UGT2B28: variants seen among roughly 807,000 people sequenced by gnomAD.
UGT2B28 encodes UDP glucuronosyltransferase family 2 member B28.
A neutral mutation model predicts 43.6 loss-of-function variants in UGT2B28; 45 were observed. The observed-to-expected ratio is 1.03, with a 90% CI of 0.81 to 1.32. UGT2B28 has a LOEUF of 1.32. UGT2B28 is among the 40% of genes most tolerant of loss of function. The probability of loss-of-function intolerance (pLI) is 0.00; values close to 1 mark genes in which losing one functional copy is unlikely to be tolerated. For missense variants in UGT2B28, 649 were observed against 625.5 expected (o/e 1.04, Z -0.40); for synonymous variants, 204 against 208.1 (o/e 0.98, Z 0.17).
In UGT2B28 at chr4:69,294,804, GATT is replaced by G. The variant is rs1724057418; in HGVS notation, c.1587_1589del (p.Asp529_Ter530delinsGlu). On this transcript the variant is annotated stop_lost and inframe_deletion, in exon 6 of 6. Transcript: ENST00000335568. ...TAGAAAAGGGAAGAAGGGAAAAAGA[GATT>G]AGTTATGTCTGACATTTGAAGCTGG... The G allele has an allele frequency of 6.4e-7, 1 of 1,552,446 alleles. No individual in the cohort carries two copies. Among genetic ancestry groups the G allele is most frequent in the Non-Finnish European group, 8.7e-7 (1 of 1,152,148 alleles).
In UGT2B28 at chr4:69,284,841, A is replaced by G. The variant is rs1284777601; in HGVS notation, c.871-1911A>G. ...TCAGATAATTTCTATATATTTTAAGAGAATAAGACACTTGACAAACTGCAT... is the reference window on the plus strand; with the variant it reads ...TCAGATAATTTCTATATATTTTAAGGGAATAAGACACTTGACAAACTGCAT... On this transcript the variant is annotated intron_variant, in intron 2 of 5. Transcript: ENST00000335568. Among the ~76,000 whole-genome samples, 15 of 140,448 alleles carry G rather than the reference A, an allele frequency of 1.1e-4. 2 individuals are homozygous for G. The highest frequency in any genetic ancestry group is 3.6e-4 in the African/African-American group (13 of 36,078). 92.1% of individuals were successfully genotyped at this position (140,448 alleles called of 152,430 possible).
Position 69,281,127 on chromosome 4 carries a change from G to A in UGT2B28, c.627G>A (p.Glu209=). Reference sequence around the variant, plus strand: ...TAAGTGATCAAATGACTTTCATGGAGAGGGTAAAAAACATGATCTATGTGC... The same window carrying A: ...TAAGTGATCAAATGACTTTCATGGAAAGGGTAAAAAACATGATCTATGTGC... ...SKLSDQMTFM[E]RVKNMIYVLY... is the part of the protein sequence containing the mutation. Residue 209 remains glutamate, a synonymous_variant, in exon 1 of 6, where the codon GAG becomes GAA. Transcript: ENST00000335568. The A allele has an allele frequency of 4.5e-6, 7 of 1,558,424 alleles. No homozygotes were observed. Among genetic ancestry groups the A allele is most frequent in the Non-Finnish European group, 6.1e-6 (7 of 1,155,026 alleles).
chr4:69,286,762 A>T lies in UGT2B28; in HGVS notation c.881A>T (p.Glu294Val), dbSNP rs772478942. Residue 294 changes from glutamate (E) to valine (V), a missense_variant, in exon 3 of 6, where the codon GAA becomes GTA. Physicochemically the swap from Glu to Val is moderately radical, Grantham distance 121 (BLOSUM62 -2). Coordinates refer to ENST00000335568, the MANE Select transcript of UGT2B28 (RefSeq NM_053039.2). Reference sequence around the variant, plus strand: ...AATTTTTTTTCACAGGAAATGGAGGAATTTGTACAGAGCTCTGGTGAAAAT... The same window carrying T: ...AATTTTTTTTCACAGGAAATGGAGGTATTTGTACAGAGCTCTGGTGAAAAT... ...PAKPLPKEMEEFVQSSGENGV... is the reference protein window; with the variant it reads ...PAKPLPKEMEVFVQSSGENGV... 6.4e-7 allele frequency: 1 copy of T among 1,553,678 alleles called. No individual in the cohort carries two copies. The highest frequency in any genetic ancestry group is 8.7e-7 in the Non-Finnish European group (1 of 1,153,564).
At position 69,287,152 on chromosome 4, in the gene UGT2B28, A is replaced by C. The variant is rs188214818; in HGVS notation, c.1002+269A>C. ...CTCAGTACTCCATATGTATCCACAA[A>C]AGGGAACTTGAGACCCATGATTATT... is the stretch of plus-strand genomic sequence containing the variant. On this transcript the variant is annotated intron_variant, in intron 3 of 5. Coordinates refer to ENST00000335568, the MANE Select transcript of UGT2B28 (RefSeq NM_053039.2). Among the ~76,000 whole-genome samples the C allele has an allele frequency of 2.9e-3, 400 of 140,216 alleles. 83 individuals are homozygous for C. The highest frequency in any genetic ancestry group is 0.01 in the African/African-American group (370 of 35,900). The allele number at this position is 140,216 out of a possible 152,430, so 92.0% of individuals were successfully genotyped here.
Position 69,286,796 on chromosome 4 carries a change from G to A in UGT2B28, c.915G>A (p.Val305=). The A allele has an allele frequency of 6.4e-7, 1 of 1,556,494 alleles. No homozygotes were observed. The highest frequency in any genetic ancestry group is 8.7e-7 in the Non-Finnish European group (1 of 1,154,582). ...FVQSSGENGV[V]VFSLGSVISN... is the part of the protein sequence containing the mutation. ...AGAGCTCTGGTGAAAATGGTGTTGT[G>A]GTGTTTTCTCTGGGGTCAGTGATAA... The change falls in exon 3 of 6, where the codon GTG becomes GTA. Residue 305 remains valine, a synonymous_variant. Coordinates refer to ENST00000335568, the MANE Select transcript of UGT2B28 (RefSeq NM_053039.2).
chr4:69,285,013 G>T (rs1335384247), intron 2 of UGT2B28, among the ~76,000 whole-genome samples: 1 of 139,558 alleles, frequency 7.2e-6, no homozygotes, highest in Non-Finnish European at 1.5e-5. Context: ...ATGAAAGAAT[G>T]ATTAAAATTT....
rs1723744045 is a variant in UGT2B28 at position 69,285,432 on chromosome 4, G to C, written c.871-1320G>C. On this transcript the variant is annotated intron_variant, in intron 2 of 5. Coordinates refer to ENST00000335568, the MANE Select transcript of UGT2B28 (RefSeq NM_053039.2). Reference sequence around the variant, plus strand: ...AGAGGTTAGATTCCTTCAACACTGGGTAGAAAAACAAGGCTCTGATATCAA... The same window carrying C: ...AGAGGTTAGATTCCTTCAACACTGGCTAGAAAAACAAGGCTCTGATATCAA... 1.4e-5 allele frequency among the ~76,000 whole-genome samples: 2 copies of C among 139,172 alleles called. 1 individual carries two copies. The highest frequency in any genetic ancestry group is 1.5e-4 in the Admixed American group (2 of 13,780). 91.3% of individuals were successfully genotyped at this position (139,172 alleles called of 152,430 possible).
chr4:69,289,649 C>A lies in UGT2B28; in HGVS notation c.1003-16C>A, dbSNP rs763587973. ...AGTTCCACTCATGGAATAAGATATT[C>A]TCTTTACTGTAACAGGTTCTGTGGA... On this transcript the variant is annotated splice_polypyrimidine_tract_variant and intron_variant, in intron 3 of 5. Coordinates refer to ENST00000335568, the MANE Select transcript of UGT2B28 (RefSeq NM_053039.2). The A allele has an allele frequency of 6.5e-7, 1 of 1,533,716 alleles. No individual in the cohort carries two copies. Among genetic ancestry groups the A allele is most frequent in the Non-Finnish European group, 8.8e-7 (1 of 1,141,588 alleles).
rs572028947 is a variant in UGT2B28, at chr4:69,287,977, C to CTT, written c.1002+1094_1002+1095insTT. 2.2e-3 allele frequency among the ~76,000 whole-genome samples: 304 copies of CTT among 139,966 alleles called. 66 individuals are homozygous for CTT. Among genetic ancestry groups the CTT allele is most frequent in the African/African-American group, 8.1e-3 (290 of 35,898 alleles). The allele number at this position is 139,966 out of a possible 152,430, so 91.8% of individuals were successfully genotyped here. On this transcript the variant is annotated intron_variant, in intron 3 of 5. Coordinates refer to ENST00000335568, the MANE Select transcript of UGT2B28 (RefSeq NM_053039.2). The stretch of plus-strand genomic sequence containing the variant: ...TGCTTTGGAGTTTCAAAATTAGTAA[C>CTT]AAAATAAGAATGTCTTGGCTATAGC...
At chr4:69,291,581 C>T (rs1466626445) in intron 5 of UGT2B28, among the ~76,000 whole-genome samples, 1 of 140,786 alleles carries the variant, frequency 7.1e-6, no homozygotes, top group Non-Finnish European at 1.5e-5. Flanking sequence ...TACTTCATTT[C>T]CTTTACACTT....
chr4:69,288,952 A>AGT (rs1258840245), intron 3 of UGT2B28, among the ~76,000 whole-genome samples: 1 of 140,550 alleles, frequency 7.1e-6, no homozygotes, highest in Non-Finnish European at 1.5e-5. Context: ...AATATTCTGT[A>AGT]GTGTATATAT....
At chr4:69,294,436 A>T (rs1724043424) in intron 5 of UGT2B28, 94 bp from the exon 6 acceptor site, 2 of 1,210,284 alleles carry the variant, frequency 1.7e-6, no homozygotes, top group Admixed American at 3.1e-5. Flanking sequence ...ATTTACTTTG[A>T]ATTATTTGAC....
At chr4:69,287,006 T>C in intron 3 of UGT2B28, 123 bp downstream of exon 3, 1 of 1,426,842 alleles carries the variant, frequency 7.0e-7, no homozygotes, top group South Asian at 1.4e-5. Flanking sequence ...GTCTTAAATA[T>C]CTTGTGTAGC....
chr4:69,287,150 A>G lies in UGT2B28; in HGVS notation c.1002+267A>G, dbSNP rs140597679. On this transcript the variant is annotated intron_variant, in intron 3 of 5. Transcript: ENST00000335568. ...AACTCAGTACTCCATATGTATCCAC[A>G]AAAGGGAACTTGAGACCCATGATTA... Among the ~76,000 whole-genome samples the G allele has an allele frequency of 1.8e-4, 25 of 140,246 alleles. 5 individuals are homozygous for G. Among genetic ancestry groups the G allele is most frequent in the African/African-American group, 5.0e-4 (18 of 35,914 alleles). The allele number at this position is 140,246 out of a possible 152,430, so 92.0% of individuals were successfully genotyped here.
At chr4:69,283,949 A>T (rs1452800791) in intron 2 of UGT2B28, among the ~76,000 whole-genome samples, 5 of 141,078 alleles carry the variant, frequency 3.5e-5, no homozygotes, top group Non-Finnish European at 4.6e-5. Context: ...AGCATAAAAC[A>T]CTTCCTCAAC....
chr4:69,281,895 T>C lies in UGT2B28; in HGVS notation c.722-619T>C, dbSNP rs552021264. 2.5e-4 allele frequency among the ~76,000 whole-genome samples: 35 copies of C among 140,742 alleles called. 5 individuals are homozygous for C. The highest frequency in any genetic ancestry group is 1.2e-3 in the South Asian group (5 of 4,224). The allele number at this position is 140,742 out of a possible 152,430, so 92.3% of individuals were successfully genotyped here. A position where few individuals can be genotyped will look rare whatever the true frequency, so the allele number is the denominator to read the frequency against. ...TCTTTATTTAAAAATATGAGACAGA[T>C]TAAGGTTGAGTACAGATCTCTATTT... On this transcript the variant is annotated intron_variant, in intron 1 of 5. Coordinates refer to ENST00000335568, the MANE Select transcript of UGT2B28 (RefSeq NM_053039.2).
rs563571709 is a variant in UGT2B28, at chr4:69,294,301, T to C, written c.1311-229T>C. ...ATTTTCTCTGCTTGAAAAAAATTAATTTTCTCACCTGACCTTCCATTTCTG... is the reference window on the plus strand; with the variant it reads ...ATTTTCTCTGCTTGAAAAAAATTAACTTTCTCACCTGACCTTCCATTTCTG... On this transcript the variant is annotated intron_variant, in intron 5 of 5. Transcript: ENST00000335568. 7.2e-4 allele frequency among the ~76,000 whole-genome samples: 101 copies of C among 140,186 alleles called. 17 individuals carry two copies. The highest frequency in any genetic ancestry group is 2.7e-3 in the African/African-American group (97 of 35,898). The allele number at this position is 140,186 out of a possible 152,430, so 92.0% of individuals were successfully genotyped here. A position where few individuals can be genotyped will look rare whatever the true frequency, so the allele number is the denominator to read the frequency against.
intron 3 of UGT2B28, among the ~76,000 whole-genome samples, chr4:69,287,606 T>A: frequency 7.1e-6 from 1 of 140,062 alleles, no homozygotes; most frequent in Non-Finnish European, 1.5e-5. Context: ...AGGTGGATCC[T>A]GTACAGTATA....
chr4:69,280,668 G>A lies in UGT2B28; in HGVS notation c.168G>A (p.Leu56=). The A allele has an allele frequency of 1.3e-6, 2 of 1,561,038 alleles. No homozygotes were observed. Among genetic ancestry groups the A allele is most frequent in the Non-Finnish European group, 1.7e-6 (2 of 1,156,128 alleles). The change falls in exon 1 of 6, where the codon CTG becomes CTA. Residue 56 remains leucine (L), a synonymous_variant. Transcript: ENST00000335568. ...LVQRGHEVTV[L]ASSASILFDP... is the part of the protein sequence containing the mutation. ...AGAGAGGTCATGAGGTGACTGTACT[G>A]GCATCTTCAGCTTCCATTCTTTTTG...
Sources: gnomAD v4.1 joint callset for allele counts (sites outside exome capture counted in the v4.1 genomes callset) on GRCh38, gnomAD v4.1.1 for gene constraint, MANE v1.5 for transcripts, NCBI Gene and HGNC (gene_info 2026-07-23, HGNC 2026-07-21) for gene names.